DNAH9: variants seen among roughly 807,000 people sequenced by gnomAD.
DNAH9 encodes the protein DNAH9 variant protein.
Under a neutral mutation model 471.6 loss-of-function variants are expected in DNAH9, and 345 were observed. The observed-to-expected ratio is 0.73, with a 90% confidence interval of 0.67 to 0.80. DNAH9 has a LOEUF of 0.80. DNAH9 is among the 30% of genes least tolerant of loss of function. DNAH9 has a pLI of 0.00. For missense variants in DNAH9, 5,407 were observed against 5,609.2 expected (o/e 0.96, Z 1.15); for synonymous variants, 2,093 against 2,123.6 (o/e 0.99, Z 0.40).
In DNAH9 at chr17:11,644,679, T is replaced by C; in HGVS notation, c.1950T>C (p.Asp650=). The change falls in exon 11 of 69, where the codon GAT becomes GAC. Residue 650 remains aspartate (D), a synonymous_variant. Transcript: ENST00000262442. ...AGCGAATGCAACAAAAATATGAAGATATGCTGTCATTGCTAGAAAAGTAAG... is the reference window on the plus strand; with the variant it reads ...AGCGAATGCAACAAAAATATGAAGACATGCTGTCATTGCTAGAAAAGTAAG... ...EGKRMQQKYE[D]MLSLLEKYET... is the part of the protein sequence containing the mutation. 3.7e-6 allele frequency: 6 copies of C among 1,612,852 alleles called. No homozygotes were observed. Among genetic ancestry groups the C allele is most frequent in the Non-Finnish European group, 5.1e-6 (6 of 1,179,290 alleles).
chr17:11,844,872 C>A (rs540565087), intron 49 of DNAH9, among the ~76,000 whole-genome samples: 13 of 152,096 alleles, frequency 8.5e-5, no homozygotes, highest in African/African-American at 2.9e-4. Context: ...TATTTCATTG[C>A]GGTTTTGATT....
intron 30 of DNAH9, among the ~76,000 whole-genome samples, chr17:11,742,559 C>A (rs2075448143): frequency 1.3e-5 from 2 of 152,182 alleles, no homozygotes; most frequent in South Asian, 4.2e-4. Flanking sequence ...CAACACATCA[C>A]AGACACCAGC....
intron 61 of DNAH9, among the ~76,000 whole-genome samples, chr17:11,918,613 TA>T (rs1400064176): frequency 6.6e-6 from 1 of 151,948 alleles, no homozygotes; most frequent in Non-Finnish European, 1.5e-5. Flanking sequence ...ATTCATGGAG[TA>T]TTGTTTTTTT....
intron 36 of DNAH9, among the ~76,000 whole-genome samples, chr17:11,768,006 C>T (rs774659495): frequency 3.9e-5 from 6 of 152,186 alleles, no homozygotes; most frequent in African/African-American, 9.7e-5. Context: ...TGAGGCTCTT[C>T]TCACTGCAGC....
intron 17 of DNAH9, among the ~76,000 whole-genome samples, chr17:11,678,651 C>T (rs1486090243): frequency 2.0e-5 from 3 of 148,650 alleles, no homozygotes; most frequent in African/African-American, 7.6e-5. Flanking sequence ...TGCTCTGAAG[C>T]TAATTTTAAG....
chr17:11,846,453 T>C (rs1470931028), intron 49 of DNAH9, among the ~76,000 whole-genome samples: 1 of 151,594 alleles, frequency 6.6e-6, no homozygotes, highest in East Asian at 1.9e-4. Context: ...TCCGGCTTTG[T>C]TCTTTTGGCT....
At position 11,598,815 on chromosome 17, in the gene DNAH9, C is replaced by T. The variant is rs753944753; in HGVS notation, c.317C>T (p.Thr106Ile). 2 of 1,486,682 alleles carry T rather than the reference C, an allele frequency of 1.3e-6. No homozygotes were observed. Among genetic ancestry groups the T allele is most frequent in the South Asian group, 1.2e-5 (1 of 80,502 alleles). 92.1% of individuals were successfully genotyped at this position (1,486,682 alleles called of 1,614,324 possible). Residue 106 changes from threonine to isoleucine, a missense_variant, in exon 1 of 69, where the codon ACC (threonine) becomes ATC (isoleucine). Thr to Ile is a moderately conservative substitution (Grantham distance 89). Around this residue, in one of 3 missense-constraint regions of DNAH9, gnomAD observed 767 missense variants for 692.5 expected, o/e 1.11. Coordinates refer to ENST00000262442, the MANE Select transcript of DNAH9 (RefSeq NM_001372.4). ...GCTAAGGCGCTTTTTTTCCTTCGCA[C>T]CGGGCCCGAGCCTCCAGGGCCCGAC... ...AGAKALFFLR[T>I]GPEPPGPDSF...
intron 66 of DNAH9, among the ~76,000 whole-genome samples, chr17:11,940,477 T>C (rs1355986188): frequency 6.6e-6 from 1 of 152,190 alleles, no homozygotes; most frequent in African/African-American, 2.4e-5. Flanking sequence ...AAAATATATA[T>C]ATAATTTTAG....
chr17:11,785,854 G>A (rs1968850614), intron 41 of DNAH9, among the ~76,000 whole-genome samples: 1 of 152,180 alleles, frequency 6.6e-6, no homozygotes, highest in South Asian at 2.1e-4. Flanking sequence ...TTTCCAATGA[G>A]GAAAATAAGC....
chr17:11,814,399 G>A (rs1196072191), intron 45 of DNAH9, among the ~76,000 whole-genome samples: 1 of 152,152 alleles, frequency 6.6e-6, no homozygotes, highest in Non-Finnish European at 1.5e-5. Flanking sequence ...CCCTAGCTAT[G>A]ACAGATTTTG....
At chr17:11,701,377 G>C in intron 24 of DNAH9, 130 bp downstream of exon 24, 1 of 1,025,646 alleles carries the variant, frequency 9.7e-7, no homozygotes, top group Non-Finnish European at 1.5e-6. Context: ...TTGAATCCCA[G>C]ACCACTGTGA....
intron 15 of DNAH9, among the ~76,000 whole-genome samples, chr17:11,668,006 T>G (rs950554018): frequency 2.0e-5 from 3 of 152,198 alleles, no homozygotes; most frequent in African/African-American, 7.2e-5. Context: ...TAACTACAAT[T>G]GAAAAGTCAT....
At chr17:11,832,681 C>T (rs996801456) in intron 48 of DNAH9, among the ~76,000 whole-genome samples, 6 of 152,138 alleles carry the variant, frequency 3.9e-5, no homozygotes, top group South Asian at 2.1e-4. Context: ...GAATTATCAA[C>T]AGCGTGTAAG....
rs9303042 is a variant in DNAH9 at position 11,883,510 on chromosome 17, G to A, written c.10807-76G>A. On this transcript the variant is annotated intron_variant, in intron 55 of 68. Transcript: ENST00000262442. ...ACTATCTTTAAGGCAAGGGACTCTC[G>A]CCCTATTCAGACACATCCTTAGAGC... 5,507 of 1,533,174 alleles carry A rather than the reference G, an allele frequency of 3.6e-3. 178 individuals carry two copies. The African/African-American group carries it at 0.065, about 18-fold the overall frequency. The allele number at this position is 1,533,174 out of a possible 1,614,324, so 95.0% of individuals were successfully genotyped here. A position where few individuals can be genotyped will look rare whatever the true frequency, so the allele number is the denominator to read the frequency against.
intron 6 of DNAH9, among the ~76,000 whole-genome samples, chr17:11,628,469 GTTA>G (rs942804406): frequency 4.6e-5 from 7 of 152,212 alleles, no homozygotes; most frequent in African/African-American, 1.7e-4. Context: ...GCTACAAGGT[GTTA>G]TTATTATTCT....
chr17:11,904,454 C>T (rs1013336818), intron 60 of DNAH9, among the ~76,000 whole-genome samples: 1 of 151,858 alleles, frequency 6.6e-6, no homozygotes, highest in Non-Finnish European at 1.5e-5. Flanking sequence ...CATGGTGAAA[C>T]CCCGTCTCTA....
intron 28 of DNAH9, among the ~76,000 whole-genome samples, chr17:11,734,192 G>A (rs911834283): frequency 6.6e-6 from 1 of 152,066 alleles, no homozygotes; most frequent in African/African-American, 2.4e-5. Context: ...CAGAGTCTCA[G>A]GCCCCACCCC....
chr17:11,951,991 G>C (rs1229068568), intron 67 of DNAH9, among the ~76,000 whole-genome samples: 2 of 151,762 alleles, frequency 1.3e-5, no homozygotes, highest in African/African-American at 4.8e-5. Context: ...CATGTGTTCA[G>C]TAGCCACATG....
chr17:11,650,112 G>A (rs1390751622), intron 12 of DNAH9, among the ~76,000 whole-genome samples: 1 of 152,022 alleles, frequency 6.6e-6, no homozygotes, highest in Non-Finnish European at 1.5e-5. Flanking sequence ...TCTATCTTGA[G>A]CTAGAACTAG....
Sources: allele counts gnomAD v4.1 joint callset (sites outside exome capture counted in the v4.1 genomes callset), GRCh38; gene constraint gnomAD v4.1.1; regional missense constraint gnomAD v4.1.1; transcripts MANE v1.5; gene names NCBI Gene and HGNC (gene_info 2026-07-23, HGNC 2026-07-21).